Variants in SGCZ observed in about 807,000 individuals in gnomAD.
SGCZ encodes sarcoglycan zeta.
Under a neutral mutation model 41.3 loss-of-function variants are expected in SGCZ, and 40 were observed. The ratio of observed to expected loss-of-function variants is 0.97; its 90% CI spans 0.75 to 1.26. The LOEUF (loss-of-function observed/expected upper bound fraction) is 1.26. Among genes scored for constraint, SGCZ ranks in the 50% most tolerant of loss-of-function variants. The pLI is 0.00. For missense variants in SGCZ, 552 were observed against 369.8 expected, an observed-to-expected ratio of 1.49 and a Z score of -4.04; for synonymous variants, 206 against 137.5, an observed-to-expected ratio of 1.50 and a Z score of -3.49.
At chr8:14,178,952 T>A (rs1009366327) in intron 4 of SGCZ, among the ~76,000 whole-genome samples, 5 of 152,122 alleles carry the variant, frequency 3.3e-5, no homozygotes, top group African/African-American at 1.2e-4. Flanking sequence ...TAATGGGAAA[T>A]CAGTTCTGTG....
At chr8:14,442,885 T>C (rs754555570) in intron 2 of SGCZ, among the ~76,000 whole-genome samples, 8 of 152,134 alleles carry the variant, frequency 5.3e-5, no homozygotes, top group Non-Finnish European at 1.0e-4. Context: ...TGTTTGCAGA[T>C]GACATGATTG....
chr8:14,385,425 G>C (rs1804540721), intron 2 of SGCZ, among the ~76,000 whole-genome samples: 1 of 152,158 alleles, frequency 6.6e-6, no homozygotes, highest in Non-Finnish European at 1.5e-5. Flanking sequence ...GGTAGTAGTG[G>C]AAAAGTATAT....
At chr8:15,068,058 G>A (rs549847201) in intron 1 of SGCZ, among the ~76,000 whole-genome samples, 1 of 152,316 alleles carries the variant, frequency 6.6e-6, no homozygotes, top group South Asian at 2.1e-4. Context: ...TTGGGTCATA[G>A]GACATACGAG....
intron 1 of SGCZ, among the ~76,000 whole-genome samples, chr8:15,198,120 G>A (rs1489749453): frequency 6.6e-6 from 1 of 150,414 alleles, no homozygotes; most frequent in African/African-American, 2.4e-5. Context: ...ATAATTATGT[G>A]TCAAGAAAGA....
intron 1 of SGCZ, among the ~76,000 whole-genome samples, chr8:14,599,596 T>A (rs891379555): frequency 6.6e-6 from 1 of 152,168 alleles, no homozygotes; most frequent in African/African-American, 2.4e-5. Context: ...GGGAGAAAAC[T>A]GAATAAGGCT....
At chr8:14,165,689 A>G (rs947365904) in intron 4 of SGCZ, among the ~76,000 whole-genome samples, 1 of 152,140 alleles carries the variant, frequency 6.6e-6, no homozygotes, top group Non-Finnish European at 1.5e-5. Context: ...GAGTCAGGGA[A>G]GTAGGAATCA....
At chr8:15,078,405 T>G (rs187372681) in intron 1 of SGCZ, among the ~76,000 whole-genome samples, 55 of 152,090 alleles carry the variant, frequency 3.6e-4, no homozygotes, top group African/African-American at 1.3e-3. Context: ...GAATGTACTC[T>G]CTATCTCAGG....
At chr8:14,684,522 G>C (rs1213518174) in intron 1 of SGCZ, among the ~76,000 whole-genome samples, 2 of 152,016 alleles carry the variant, frequency 1.3e-5, no homozygotes, top group Non-Finnish European at 2.9e-5. Context: ...CTGGAGTTTT[G>C]CTAACTAATT....
intron 1 of SGCZ, among the ~76,000 whole-genome samples, chr8:14,954,475 T>TA (rs1216290917): frequency 5.9e-5 from 9 of 152,102 alleles, no homozygotes; most frequent in African/African-American, 1.2e-4. Context: ...TGCAGCTTGT[T>TA]AAAACCAGTA....
chr8:15,125,123 T>C (rs1489328018), intron 1 of SGCZ, among the ~76,000 whole-genome samples: 1 of 152,172 alleles, frequency 6.6e-6, no homozygotes, highest in Non-Finnish European at 1.5e-5. Flanking sequence ...TGGCAAGCAC[T>C]TTTTTTGTAA....
intron 1 of SGCZ, among the ~76,000 whole-genome samples, chr8:14,932,601 A>T (rs929312462): frequency 6.6e-6 from 1 of 152,042 alleles, no homozygotes; most frequent in Non-Finnish European, 1.5e-5. Context: ...TAAAAGAACC[A>T]TTATCCTCAG....
intron 2 of SGCZ, among the ~76,000 whole-genome samples, chr8:14,474,613 T>C (rs114780080): frequency 0.019 from 2,903 of 152,260 alleles, 43 homozygotes; most frequent in East Asian, 0.083. Context: ...TATAAAAAAT[T>C]AAAACATACA....
chr8:14,244,194 TC>T lies in SGCZ; in HGVS notation c.337-6516del, dbSNP rs1798997256. Reference sequence around the variant, plus strand: ...TCCTCCTCTTCCTTCTTCCTCCTCCTCTTCCTTCTTCCTCCTCTTCCTTCTT... The same window carrying T: ...TCCTCCTCTTCCTTCTTCCTCCTCCTTTCCTTCTTCCTCCTCTTCCTTCTT... On this transcript the variant is annotated intron_variant, in intron 3 of 7. Coordinates refer to ENST00000382080, the MANE Select transcript of SGCZ (RefSeq NM_139167.4). 2.7e-5 allele frequency among the ~76,000 whole-genome samples: 4 copies of T among 149,240 alleles called. No homozygotes were observed. The Admixed American group carries it at 2.7e-4, about 10-fold the overall frequency.
At chr8:14,506,156 T>C (rs984693582) in intron 2 of SGCZ, among the ~76,000 whole-genome samples, 1 of 151,840 alleles carries the variant, frequency 6.6e-6, no homozygotes, top group African/African-American at 2.4e-5. Context: ...GCAAGCATGA[T>C]GAAACCCTGT....
intron 1 of SGCZ, among the ~76,000 whole-genome samples, chr8:14,702,834 TAGATA>T (rs781660670): frequency 0.067 from 7,282 of 108,434 alleles, 354 homozygotes; most frequent in Non-Finnish European, 0.091. Flanking sequence ...GATAGATAGA[TAGATA>T]GATAGATAGA....
intron 1 of SGCZ, among the ~76,000 whole-genome samples, chr8:14,887,162 T>C (rs1030447094): frequency 6.6e-6 from 1 of 152,152 alleles, no homozygotes; most frequent in Non-Finnish European, 1.5e-5. Context: ...TATACAAGTC[T>C]GGATTCAAAG....
intron 1 of SGCZ, among the ~76,000 whole-genome samples, chr8:14,893,849 T>A (rs1053342448): frequency 6.6e-6 from 1 of 152,188 alleles, no homozygotes; most frequent in Admixed American, 6.5e-5. Flanking sequence ...GACATTAGGA[T>A]TTTTCTAAGA....
At chr8:14,665,564 CTT>C (rs1265455558) in intron 1 of SGCZ, among the ~76,000 whole-genome samples, 1 of 152,036 alleles carries the variant, frequency 6.6e-6, no homozygotes, top group African/African-American at 2.4e-5. Context: ...TTTCTAAACT[CTT>C]ATCACTATAT....
intron 1 of SGCZ, among the ~76,000 whole-genome samples, chr8:15,222,209 A>T (rs909413168): frequency 1.3e-5 from 2 of 152,314 alleles, no homozygotes; most frequent in East Asian, 3.9e-4. Context: ...TTTGCCTTAA[A>T]ATATAGGATA....
Sources: allele counts gnomAD v4.1 joint callset (sites outside exome capture counted in the v4.1 genomes callset), GRCh38; gene constraint gnomAD v4.1.1; transcripts MANE v1.5; gene names NCBI Gene and HGNC (gene_info 2026-07-23, HGNC 2026-07-21).